C8orf34: variants seen among roughly 807,000 people sequenced by gnomAD.
The protein encoded by C8orf34 is uncharacterized protein C8orf34.
Under a neutral mutation model 68.3 loss-of-function variants are expected in C8orf34, and 65 were observed. The observed-to-expected ratio is 0.95, with a 90% CI of 0.78 to 1.17. The LOEUF is 1.17. Ranked by LOEUF, C8orf34 falls within the 50% of genes most tolerant of loss-of-function variation. C8orf34 has a pLI of 0.00. For synonymous variants in C8orf34, 244 were observed against 241.2 expected (o/e 1.01, Z -0.11); for missense variants, 664 against 655.4 (o/e 1.01, Z -0.14).
At chr8:68,805,958 C>T (rs1310834367) in intron 12 of C8orf34, among the ~76,000 whole-genome samples, 1 of 151,044 alleles carries the variant, frequency 6.6e-6, no homozygotes, top group Admixed American at 6.6e-5. Context: ...TTTGTTATTG[C>T]TCTTTTATTC....
intron 8 of C8orf34, among the ~76,000 whole-genome samples, chr8:68,686,442 G>A (rs919127721): frequency 4.0e-4 from 61 of 152,244 alleles, no homozygotes; most frequent in Admixed American, 2.1e-3. Flanking sequence ...TCATGATCAA[G>A]TGGGTTCATG....
chr8:68,688,016 A>T (rs1306907780), intron 8 of C8orf34, among the ~76,000 whole-genome samples: 1 of 152,174 alleles, frequency 6.6e-6, no homozygotes, highest in African/African-American at 2.4e-5. Flanking sequence ...TTGGGCAACA[A>T]ACATGAAAAA....
chr8:68,402,998 G>A (rs1310372714), intron 1 of C8orf34, among the ~76,000 whole-genome samples: 1 of 152,144 alleles, frequency 6.6e-6, no homozygotes, highest in Non-Finnish European at 1.5e-5. Flanking sequence ...GAAGCAGCAG[G>A]CAGGGAAACT....
chr8:68,640,551 T>C (rs1486913333), intron 8 of C8orf34, 40 bp downstream of exon 8: 2 of 1,564,436 alleles, frequency 1.3e-6, no homozygotes, highest in East Asian at 2.3e-5. Context: ...AAACATGATC[T>C]TGATTTTTAA....
Position 68,558,442 on chromosome 8 carries a change from GT to G in C8orf34, c.1105+25298del, listed in dbSNP as rs1260968397. On this transcript the variant is annotated intron_variant, in intron 7 of 13. Transcript: ENST00000518698. ...TACCTCTCTTACAATAAATTAAATT[GT>G]TTTTACCAAACAGAAAAGAAAATCT... Among the ~76,000 whole-genome samples, 3 of 151,990 alleles carry G rather than the reference GT, an allele frequency of 2.0e-5. No homozygotes were observed. In the East Asian group the frequency reaches 5.8e-4, roughly 29 times the overall value.
intron 7 of C8orf34, among the ~76,000 whole-genome samples, chr8:68,577,533 A>G: frequency 6.6e-6 from 1 of 152,010 alleles, no homozygotes. Context: ...AAATTATTAT[A>G]TGCATTATTA....
At chr8:68,586,487 A>G (rs1391340923) in intron 7 of C8orf34, among the ~76,000 whole-genome samples, 1 of 152,136 alleles carries the variant, frequency 6.6e-6, no homozygotes, top group Non-Finnish European at 1.5e-5. Context: ...GTTAGTTAAA[A>G]CTGGAGAATA....
chr8:68,627,766 T>G (rs1364548012), intron 7 of C8orf34, among the ~76,000 whole-genome samples: 1 of 152,212 alleles, frequency 6.6e-6, no homozygotes, highest in Non-Finnish European at 1.5e-5. Context: ...AGGGGTTCAA[T>G]TAGCAGAAGT....
intron 3 of C8orf34, among the ~76,000 whole-genome samples, chr8:68,450,571 C>T (rs1486104201): frequency 6.6e-6 from 1 of 152,100 alleles, no homozygotes; most frequent in African/African-American, 2.4e-5. Flanking sequence ...ATTGTGTTAA[C>T]AGACACGAAA....
intron 12 of C8orf34, among the ~76,000 whole-genome samples, chr8:68,803,876 TA>T (rs573838325): frequency 4.8e-4 from 73 of 152,248 alleles, no homozygotes; most frequent in African/African-American, 1.5e-3. Context: ...TTTCACAAAT[TA>T]AAAAATAGGC....
At chr8:68,485,453 G>A (rs1373706356) in intron 4 of C8orf34, among the ~76,000 whole-genome samples, 2 of 151,956 alleles carry the variant, frequency 1.3e-5, no homozygotes, top group Non-Finnish European at 2.9e-5. Context: ...GTGACTCACC[G>A]CTATAATCCC....
intron 1 of C8orf34, among the ~76,000 whole-genome samples, chr8:68,437,690 G>C (rs1810722236): frequency 2.0e-5 from 3 of 152,004 alleles, no homozygotes; most frequent in Admixed American, 1.3e-4. Flanking sequence ...AATAATACCT[G>C]TGACAACTGA....
At chr8:68,670,711 T>G (rs753750840) in intron 8 of C8orf34, among the ~76,000 whole-genome samples, 4 of 152,184 alleles carry the variant, frequency 2.6e-5, no homozygotes, top group African/African-American at 9.6e-5. Context: ...CTCAACCATC[T>G]GGCCCTTCTT....
At chr8:68,712,041 T>C (rs1215237525) in intron 9 of C8orf34, among the ~76,000 whole-genome samples, 1 of 152,270 alleles carries the variant, frequency 6.6e-6, no homozygotes, top group South Asian at 2.1e-4. Flanking sequence ...TTAGCCTCCT[T>C]AAACAAAACA....
In C8orf34 at chr8:68,433,712, C is replaced by G. The variant is rs566806637; in HGVS notation, c.328-5787C>G. On this transcript the variant is annotated intron_variant, in intron 1 of 13. Transcript: ENST00000518698. ...TGTACAAATCGAAGTTTCTGTGCGC[C>G]CAAGTGCTCTTTTGTTTTATAATCA... Among the ~76,000 whole-genome samples, 8 of 152,218 alleles carry G rather than the reference C, an allele frequency of 5.3e-5. No individual in the cohort carries two copies. The South Asian group carries it at 1.5e-3, about 28-fold the overall frequency.
intron 7 of C8orf34, chr8:68,625,696 G>C (rs1181170407): frequency 3.0e-6 from 2 of 666,154 alleles, no homozygotes; most frequent in African/African-American, 3.6e-5. Flanking sequence ...ACACCACAAG[G>C]GAGTGTGAGT....
chr8:68,624,838 T>A (rs1187308495), intron 7 of C8orf34, among the ~76,000 whole-genome samples: 1 of 151,618 alleles, frequency 6.6e-6, no homozygotes, highest in Non-Finnish European at 1.5e-5. Flanking sequence ...GGGAATCAAA[T>A]GGTCCTTCTG....
chr8:68,368,642 A>G (rs1025034384), intron 1 of C8orf34, among the ~76,000 whole-genome samples: 15 of 152,136 alleles, frequency 9.9e-5, no homozygotes, highest in African/African-American at 3.6e-4. Flanking sequence ...TCTTCTCTCA[A>G]TAGTTGGCTA....
At chr8:68,745,044 A>C (rs1255801422) in intron 10 of C8orf34, among the ~76,000 whole-genome samples, 1 of 152,194 alleles carries the variant, frequency 6.6e-6, no homozygotes, top group Non-Finnish European at 1.5e-5. Flanking sequence ...TCTCGGCAGA[A>C]ACCCTACAAG....
Sources: allele counts gnomAD v4.1 joint callset (sites outside exome capture counted in the v4.1 genomes callset), GRCh38; gene constraint gnomAD v4.1.1; transcripts MANE v1.5; gene names NCBI Gene and HGNC (gene_info 2026-07-23, HGNC 2026-07-21).